The following CSRNP3 variants were observed in gnomAD, a reference collection of about 807,000 sequenced individuals.
CSRNP3 encodes cysteine and serine rich nuclear protein 3.
CSRNP3 carries 12 observed loss-of-function variants against 48.0 expected under a neutral mutation model. That is an observed-to-expected ratio of 0.25 (90% CI 0.16 to 0.41). The LOEUF is 0.41. Ranked by LOEUF, CSRNP3 falls within the 10% of genes least tolerant of loss-of-function variation. CSRNP3 has a pLI of 1.00. For synonymous variants in CSRNP3, 263 were observed against 269.7 expected, an observed-to-expected ratio of 0.98 and a Z score of 0.24; for missense variants, 580 against 724.4, an observed-to-expected ratio of 0.80 and a Z score of 2.29.
At chr2:165,509,339 A>C (rs1403322900) in intron 2 of CSRNP3, among the ~76,000 whole-genome samples, 1 of 152,178 alleles carries the variant, frequency 6.6e-6, no homozygotes, top group Non-Finnish European at 1.5e-5. Flanking sequence ...GGGTAGGAGG[A>C]GGCTTCCAGG....
chr2:165,500,892 T>C (rs560133577), intron 2 of CSRNP3, among the ~76,000 whole-genome samples: 1 of 152,276 alleles, frequency 6.6e-6, no homozygotes, highest in Non-Finnish European at 1.5e-5. Context: ...GAATAAATCA[T>C]GGAAAGTAAT....
At chr2:165,592,010 C>T (rs1431517058) in intron 3 of CSRNP3, among the ~76,000 whole-genome samples, 1 of 152,174 alleles carries the variant, frequency 6.6e-6, no homozygotes, top group African/African-American at 2.4e-5. Flanking sequence ...CTGGAAAAGC[C>T]ACAAACACTC....
chr2:165,621,711 G>A (rs1686343088), intron 4 of CSRNP3, among the ~76,000 whole-genome samples: 1 of 151,918 alleles, frequency 6.6e-6, no homozygotes, highest in South Asian at 2.1e-4. Flanking sequence ...TGTACCACTG[G>A]AGGAAAAAAA....
intron 3 of CSRNP3, among the ~76,000 whole-genome samples, chr2:165,538,429 C>A (rs1684910267): frequency 6.6e-6 from 1 of 151,814 alleles, no homozygotes; most frequent in Non-Finnish European, 1.5e-5. Flanking sequence ...TATCTGCTGC[C>A]TCTCCTTTCC....
At chr2:165,655,041 C>A (rs1469310825) in intron 4 of CSRNP3, among the ~76,000 whole-genome samples, 1 of 152,200 alleles carries the variant, frequency 6.6e-6, no homozygotes, top group Non-Finnish European at 1.5e-5. Flanking sequence ...TTAATCATAG[C>A]AGCCTCTATA....
intron 3 of CSRNP3, among the ~76,000 whole-genome samples, chr2:165,536,407 C>G (rs1408521847): frequency 6.6e-6 from 1 of 151,852 alleles, no homozygotes; most frequent in East Asian, 1.9e-4. Context: ...CACAATGTTT[C>G]CATAAATTTC....
At chr2:165,606,607 G>A (rs1363853688) in intron 4 of CSRNP3, among the ~76,000 whole-genome samples, 1 of 152,088 alleles carries the variant, frequency 6.6e-6, no homozygotes. Flanking sequence ...ATGAGTGTCA[G>A]GTGATTGAAT....
chr2:165,575,832 G>T (rs1685441697), intron 3 of CSRNP3, among the ~76,000 whole-genome samples: 1 of 151,852 alleles, frequency 6.6e-6, no homozygotes, highest in Non-Finnish European at 1.5e-5. Flanking sequence ...ATTTATCCAG[G>T]ATCCTGAGAC....
chr2:165,533,375 A>G (rs1397714643), intron 3 of CSRNP3, among the ~76,000 whole-genome samples: 1 of 152,076 alleles, frequency 6.6e-6, no homozygotes, highest in Non-Finnish European at 1.5e-5. Flanking sequence ...AAATTGATGG[A>G]GGAGCTATTC....
intron 4 of CSRNP3, among the ~76,000 whole-genome samples, chr2:165,619,722 T>C (rs928645349): frequency 1.3e-5 from 2 of 152,294 alleles, no homozygotes; most frequent in Admixed American, 1.3e-4. Context: ...CCTGGTATAT[T>C]TCCCTAGTAG....
intron 3 of CSRNP3, among the ~76,000 whole-genome samples, chr2:165,550,514 T>G (rs188011661): frequency 1.3e-5 from 2 of 152,332 alleles, no homozygotes; most frequent in Non-Finnish European, 2.9e-5. Context: ...GCTGTTCTAA[T>G]TTGCTTTATG....
intron 1 of CSRNP3, among the ~76,000 whole-genome samples, chr2:165,476,664 G>T (rs1013143296): frequency 2.6e-5 from 4 of 152,286 alleles, no homozygotes; most frequent in Admixed American, 2.6e-4. Context: ...TCATTGATGG[G>T]CTTTCCTAAC....
intron 3 of CSRNP3, among the ~76,000 whole-genome samples, chr2:165,544,164 C>T (rs1035705169): frequency 1.3e-5 from 2 of 151,994 alleles, no homozygotes; most frequent in African/African-American, 4.8e-5. Flanking sequence ...TGACTGGACA[C>T]ATTAGGCTTT....
At chr2:165,492,614 C>A (rs1361093733) in intron 1 of CSRNP3, among the ~76,000 whole-genome samples, 1 of 150,042 alleles carries the variant, frequency 6.7e-6, no homozygotes, top group East Asian at 2.0e-4. Context: ...GCTTATTTTT[C>A]TCAATAGTAT....
chr2:165,494,380 A>C (rs1574803216), intron 1 of CSRNP3, among the ~76,000 whole-genome samples: 1 of 152,122 alleles, frequency 6.6e-6, no homozygotes, highest in East Asian at 1.9e-4. Context: ...ACAGCATGCA[A>C]GTGAGTGATC....
At chr2:165,519,271 C>T (rs1684621078) in intron 3 of CSRNP3, among the ~76,000 whole-genome samples, 1 of 139,232 alleles carries the variant, frequency 7.2e-6, no homozygotes, top group African/African-American at 2.5e-5. Flanking sequence ...GCATTGCCTA[C>T]ATTTTTTTTT....
chr2:165,640,399 A>AT (rs1686705059), intron 4 of CSRNP3, among the ~76,000 whole-genome samples: 1 of 152,182 alleles, frequency 6.6e-6, no homozygotes, highest in Non-Finnish European at 1.5e-5. Flanking sequence ...TGTTTATACC[A>AT]TTACTTCACC....
chr2:165,536,618 G>A (rs565270705), intron 3 of CSRNP3, among the ~76,000 whole-genome samples: 9 of 151,936 alleles, frequency 5.9e-5, no homozygotes, highest in Admixed American at 2.0e-4. Context: ...TTTCTAGAGC[G>A]TGTAATGTTA....
intron 4 of CSRNP3, among the ~76,000 whole-genome samples, chr2:165,623,682 A>G (rs1315953264): frequency 6.6e-6 from 1 of 152,206 alleles, no homozygotes; most frequent in East Asian, 1.9e-4. Flanking sequence ...CTATATTTAC[A>G]TACTGACTTT....
Sources: allele counts gnomAD v4.1 joint callset (sites outside exome capture counted in the v4.1 genomes callset), GRCh38; gene constraint gnomAD v4.1.1; transcripts MANE v1.5; gene names NCBI Gene and HGNC (gene_info 2026-07-23, HGNC 2026-07-21).